ATG5: variants seen among roughly 807,000 people sequenced by gnomAD.
ATG5 encodes autophagy related 5.
In ATG5, 14 loss-of-function variants were observed where a neutral mutation model predicts 36.5. That is an observed-to-expected ratio of 0.38 (90% CI 0.25 to 0.60). The LOEUF (loss-of-function observed/expected upper bound fraction) is 0.60. ATG5 is among the 20% of genes least tolerant of loss of function. The pLI is 0.60. For missense variants in ATG5, 195 were observed against 326.7 expected (o/e 0.60, Z 3.11); for synonymous variants, 95 against 101.5 (o/e 0.94, Z 0.38).
At chr6:106,279,250 A>AG (rs1779781376) in intron 5 of ATG5, among the ~76,000 whole-genome samples, 1 of 152,222 alleles carries the variant, frequency 6.6e-6, no homozygotes, top group South Asian at 2.1e-4. Context: ...GCACAAAGCA[A>AG]GTCTACTGTC....
intron 5 of ATG5, among the ~76,000 whole-genome samples, chr6:106,262,647 A>G (rs1171222998): frequency 6.6e-6 from 1 of 151,886 alleles, no homozygotes; most frequent in South Asian, 2.1e-4. Context: ...TGCATTTCCA[A>G]CTGAGGTACC....
rs1775694943 is a variant in ATG5 at position 106,184,510 on chromosome 6, A to G, written c.*2030T>C. On this transcript the variant is annotated 3_prime_UTR_variant, in exon 8 of 8. Transcript: ENST00000369076. The stretch of plus-strand genomic sequence containing the variant: ...TTTTTTAATAAACCATAAAATTTAA[A>G]TATTCAAATGAAAAGAAACAAAAAT... 6.6e-6 allele frequency: 1 copy of G among 152,208 alleles called. No individual in the cohort carries two copies. 9.4% of individuals were successfully genotyped at this position (152,208 alleles called of 1,614,324 possible). A position where few individuals can be genotyped will look rare whatever the true frequency, so the allele number is the denominator to read the frequency against.
chr6:106,299,610 C>G (rs560344741), intron 3 of ATG5, among the ~76,000 whole-genome samples: 6 of 152,126 alleles, frequency 3.9e-5, no homozygotes, highest in Non-Finnish European at 7.4e-5. Flanking sequence ...ATTCAATTCT[C>G]GAAATGAATA....
At chr6:106,223,725 A>T (rs1395259517) in intron 6 of ATG5, among the ~76,000 whole-genome samples, 2 of 152,254 alleles carry the variant, frequency 1.3e-5, no homozygotes, top group Non-Finnish European at 2.9e-5. Context: ...TTTACTGCTT[A>T]CAGAGAAACT....
intron 6 of ATG5, among the ~76,000 whole-genome samples, chr6:106,216,735 C>T (rs1424305094): frequency 6.6e-6 from 1 of 151,996 alleles, no homozygotes; most frequent in African/African-American, 2.4e-5. Context: ...AAAAGGTGAC[C>T]TTTGCTGAGC....
chr6:106,261,165 G>C (rs1040146577), intron 5 of ATG5, among the ~76,000 whole-genome samples: 1 of 152,172 alleles, frequency 6.6e-6, no homozygotes, highest in African/African-American at 2.4e-5. Flanking sequence ...AGCTAGAGCT[G>C]AAAGGAAAAT....
At chr6:106,305,410 G>A (rs888133113) in intron 3 of ATG5, among the ~76,000 whole-genome samples, 1 of 152,158 alleles carries the variant, frequency 6.6e-6, no homozygotes, top group Non-Finnish European at 1.5e-5. Flanking sequence ...TATGATGAAA[G>A]TCATGATTTG....
intron 5 of ATG5, among the ~76,000 whole-genome samples, chr6:106,276,155 T>C (rs1376034168): frequency 2.6e-5 from 4 of 152,186 alleles, no homozygotes; most frequent in Non-Finnish European, 5.9e-5. Context: ...CTAACAGATA[T>C]TCTCTTGTTT....
intron 1 of ATG5, among the ~76,000 whole-genome samples, chr6:106,324,569 G>T (rs900685203): frequency 6.6e-6 from 1 of 152,116 alleles, no homozygotes; most frequent in African/African-American, 2.4e-5. Context: ...GTTTTGTCCA[G>T]TGCCTAACAC....
At chr6:106,290,377 G>C (rs1780258298) in intron 4 of ATG5, among the ~76,000 whole-genome samples, 1 of 151,644 alleles carries the variant, frequency 6.6e-6, no homozygotes. Context: ...ATGAAGTGCG[G>C]TTGTCTGATC....
At chr6:106,210,900 C>A (rs1446178901) in intron 6 of ATG5, among the ~76,000 whole-genome samples, 1 of 151,246 alleles carries the variant, frequency 6.6e-6, no homozygotes, top group Non-Finnish European at 1.5e-5. Flanking sequence ...TGTGACTTGA[C>A]TCTCAACAGA....
At chr6:106,276,230 C>T (rs1384758702) in intron 5 of ATG5, among the ~76,000 whole-genome samples, 2 of 152,006 alleles carry the variant, frequency 1.3e-5, no homozygotes, top group South Asian at 2.1e-4. Flanking sequence ...TTTGGGAGGC[C>T]GAGGCGGGTG....
chr6:106,218,366 CAT>C (rs1309002723), intron 6 of ATG5, among the ~76,000 whole-genome samples: 14 of 152,122 alleles, frequency 9.2e-5, no homozygotes, highest in African/African-American at 3.4e-4. Flanking sequence ...CCCCAGAAAT[CAT>C]AGTTAAATGA....
intron 3 of ATG5, among the ~76,000 whole-genome samples, chr6:106,298,536 G>A (rs1195327789): frequency 1.3e-5 from 2 of 151,470 alleles, no homozygotes; most frequent in African/African-American, 4.8e-5. Flanking sequence ...GGGCGACAGA[G>A]GGAGACTCCA....
chr6:106,248,965 A>C (rs1353792706), intron 5 of ATG5, among the ~76,000 whole-genome samples: 1 of 152,142 alleles, frequency 6.6e-6, no homozygotes, highest in Non-Finnish European at 1.5e-5. Context: ...ATAAAGTCAA[A>C]ATACTGAACA....
intron 5 of ATG5, chr6:106,271,501 T>TC (rs1290251395): frequency 1.3e-5 from 2 of 152,166 alleles, no homozygotes; most frequent in African/African-American, 4.8e-5. Context: ...GCAGGCACCT[T>TC]CCTCTTGGAC....
At chr6:106,253,221 C>T (rs1778667432) in intron 5 of ATG5, among the ~76,000 whole-genome samples, 2 of 152,188 alleles carry the variant, frequency 1.3e-5, no homozygotes, top group African/African-American at 4.8e-5. Context: ...TCTTCAAACT[C>T]ATCTGCCTTA....
chr6:106,314,197 A>C (rs1179786853), intron 2 of ATG5, among the ~76,000 whole-genome samples: 1 of 152,208 alleles, frequency 6.6e-6, no homozygotes. Context: ...ATAAAGAAAA[A>C]ATACTGTATT....
intron 6 of ATG5, among the ~76,000 whole-genome samples, chr6:106,214,027 T>C (rs1773689714): frequency 1.3e-5 from 2 of 152,178 alleles, no homozygotes; most frequent in African/African-American, 4.8e-5. Context: ...AAATATTATG[T>C]GGCACAAAGA....
Sources: allele counts gnomAD v4.1 joint callset (sites outside exome capture counted in the v4.1 genomes callset), GRCh38; gene constraint gnomAD v4.1.1; transcripts MANE v1.5; gene names NCBI Gene and HGNC (gene_info 2026-07-23, HGNC 2026-07-21).